UBXN4: variants seen among roughly 807,000 people sequenced by gnomAD.
UBXN4 encodes the protein UBX domain-containing protein 4.
UBXN4 carries 35 observed loss-of-function variants against 66.2 expected under a neutral mutation model. That is an observed-to-expected ratio of 0.53 (90% CI 0.40 to 0.70). The LOEUF is 0.70. Among genes scored for constraint, UBXN4 ranks in the 30% least tolerant of loss-of-function variants. The pLI is 0.00. For synonymous variants in UBXN4, 203 were observed against 204.5 expected (o/e 0.99, Z 0.06); for missense variants, 533 against 599.8 (o/e 0.89, Z 1.16).
intron 6 of UBXN4, among the ~76,000 whole-genome samples, chr2:135,766,794 C>G (rs975001964): frequency 1.3e-5 from 2 of 152,058 alleles, no homozygotes; most frequent in African/African-American, 4.8e-5. Flanking sequence ...TATAAGTTGT[C>G]TATGGGGTGA....
intron 2 of UBXN4, 103 bp from the exon 3 acceptor site, chr2:135,753,436 C>A: frequency 1.0e-6 from 1 of 955,288 alleles, no homozygotes; most frequent in Non-Finnish European, 1.5e-6. Context: ...CTGGTAGTTG[C>A]AGGAAAATAC....
chr2:135,781,338 G>A (rs1432205126), intron 12 of UBXN4, among the ~76,000 whole-genome samples: 1 of 152,200 alleles, frequency 6.6e-6, no homozygotes, highest in Admixed American at 6.5e-5. Flanking sequence ...CTTGAAACAG[G>A]TTAATGGGAA....
Position 135,780,208 on chromosome 2 carries a change from T to A in UBXN4, c.1211T>A (p.Val404Glu), listed in dbSNP as rs1226867680. The change falls in exon 12 of 13, where the codon GTA becomes GAA. Residue 404 changes from valine to glutamate, a missense_variant. This residue lies in a region of UBXN4 where 529 missense variants were observed against 580.1 expected (regional missense o/e 0.91). Coordinates refer to ENST00000272638, the MANE Select transcript of UBXN4 (RefSeq NM_014607.4). ...GCAGGAAGACCAACTGCATCCATTG[T>A]ACACTCTTCCAGCGGAGACATTTGG... ...LPAGRPTASI[V>E]HSSSGDIWTL... 1 of 1,614,132 alleles carries A rather than the reference T, an allele frequency of 6.2e-7. No individual in the cohort carries two copies. Among genetic ancestry groups the A allele is most frequent in the African/African-American group, 1.3e-5 (1 of 75,020 alleles).
intron 2 of UBXN4, among the ~76,000 whole-genome samples, chr2:135,748,863 C>T (rs561801236): frequency 1.5e-3 from 230 of 151,300 alleles, no homozygotes; most frequent in Middle Eastern, 0.014. Flanking sequence ...GACCTTGTCT[C>T]TACTAAAAAA....
chr2:135,783,322 TTAA>T lies in UBXN4; in HGVS notation c.*436_*438del, dbSNP rs1321657488. 6.6e-6 allele frequency: 1 copy of T among 152,660 alleles called. No individual in the cohort carries two copies. The highest frequency in any genetic ancestry group is 1.5e-5 in the Non-Finnish European group (1 of 68,338). 9.5% of individuals were successfully genotyped at this position (152,660 alleles called of 1,614,324 possible). A position where few individuals can be genotyped will look rare whatever the true frequency, so the allele number is the denominator to read the frequency against. ...TAGCCACTCAGATGAGAATTTATGT[TTAA>T]CTTCTCTTTTTACTCATCAGCTGCA... On this transcript the variant is annotated 3_prime_UTR_variant, in exon 13 of 13. Transcript: ENST00000272638.
At chr2:135,759,764 GAA>G (rs2077303954) in intron 5 of UBXN4, among the ~76,000 whole-genome samples, 1 of 88,004 alleles carries the variant, frequency 1.1e-5, no homozygotes, top group Non-Finnish European at 2.6e-5. Context: ...TTTCAATCCA[GAA>G]TTTTTTTTTT....
At chr2:135,757,960 G>T (rs940020729) in intron 5 of UBXN4, among the ~76,000 whole-genome samples, 2 of 151,960 alleles carry the variant, frequency 1.3e-5, no homozygotes, top group Non-Finnish European at 2.9e-5. Flanking sequence ...ACCCAGGCTG[G>T]AGTGCAGTGG....
intron 3 of UBXN4, chr2:135,753,934 AGAG>A: frequency 2.1e-6 from 1 of 476,298 alleles, no homozygotes; most frequent in Non-Finnish European, 3.6e-6. Flanking sequence ...AAGTTATGAT[AGAG>A]GAGAATGTAG....
intron 6 of UBXN4, among the ~76,000 whole-genome samples, chr2:135,763,809 G>C (rs1366710229): frequency 6.6e-6 from 1 of 151,592 alleles, no homozygotes. Context: ...CTGAGTGACA[G>C]AGCAAGACTC....
intron 5 of UBXN4, 136 bp downstream of exon 5, chr2:135,755,827 T>A: frequency 2.0e-6 from 1 of 507,262 alleles, no homozygotes; most frequent in Non-Finnish European, 2.7e-6. Flanking sequence ...AGAGTCATAT[T>A]AAATACACAT....
In UBXN4 at chr2:135,761,918, T is replaced by C. The variant is rs1444454528; in HGVS notation, c.602+7T>C. 3.7e-6 allele frequency: 6 copies of C among 1,605,142 alleles called. No individual in the cohort carries two copies. Among genetic ancestry groups the C allele is most frequent in the African/African-American group, 2.7e-5 (2 of 74,318 alleles). ...TCAACATCCGAGTGGAAAGGTTTGC[T>C]CTTCTTTTTGCAAATAGCATTTTGT... On this transcript the variant is annotated splice_region_variant and intron_variant, in intron 6 of 12. Transcript: ENST00000272638.
intron 2 of UBXN4, among the ~76,000 whole-genome samples, chr2:135,753,262 G>A (rs1241414616): frequency 6.6e-6 from 1 of 152,138 alleles, no homozygotes; most frequent in South Asian, 2.1e-4. Context: ...GATCTCAAGT[G>A]ATCTGCCTGC....
intron 4 of UBXN4, among the ~76,000 whole-genome samples, chr2:135,755,231 G>C (rs574431425): frequency 6.6e-6 from 1 of 152,212 alleles, no homozygotes; most frequent in South Asian, 2.1e-4. Context: ...TGTCTACTTT[G>C]GACAAATGGC....
intron 6 of UBXN4, among the ~76,000 whole-genome samples, chr2:135,762,986 G>A (rs1334932774): frequency 6.6e-6 from 1 of 152,142 alleles, no homozygotes. Context: ...GCGCTATTTA[G>A]TTATACTGGA....
At chr2:135,755,483 C>G (rs769380274) in intron 4 of UBXN4, 34 bp from the exon 5 acceptor site, 1 of 1,475,778 alleles carries the variant, frequency 6.8e-7, no homozygotes, top group Admixed American at 2.1e-5. Context: ...AGATTCTTAT[C>G]TATTAATTAA....
chr2:135,770,954 G>T (rs1369743260), intron 8 of UBXN4, among the ~76,000 whole-genome samples: 6 of 151,806 alleles, frequency 4.0e-5, no homozygotes, highest in Admixed American at 1.3e-4. Context: ...GTTAATTTAT[G>T]ACTTTTATCA....
intron 6 of UBXN4, among the ~76,000 whole-genome samples, chr2:135,769,214 C>T (rs1297760470): frequency 3.9e-5 from 6 of 152,086 alleles, no homozygotes; most frequent in Admixed American, 3.9e-4. Context: ...GTTGCTCAAG[C>T]TGGTCTTTAG....
At position 135,762,731 on chromosome 2, in the gene UBXN4, G is replaced by A. The variant is rs563299348; in HGVS notation, c.602+820G>A. 2.0e-5 allele frequency among the ~76,000 whole-genome samples: 3 copies of A among 152,214 alleles called. No individual in the cohort carries two copies. In the South Asian group the frequency reaches 6.2e-4, roughly 32 times the overall value. ...GCCCAGACCTTGAGGTGAAAAGCAG[G>A]CTGGACCTCACAGTGGTGAGGAAAG... On this transcript the variant is annotated intron_variant, in intron 6 of 12. Coordinates refer to ENST00000272638, the MANE Select transcript of UBXN4 (RefSeq NM_014607.4).
chr2:135,765,059 C>T (rs1400759913), intron 6 of UBXN4, among the ~76,000 whole-genome samples: 1 of 152,168 alleles, frequency 6.6e-6, no homozygotes, highest in Non-Finnish European at 1.5e-5. Context: ...AATAATCCAC[C>T]CGCCTTGGCT....
Sources: allele counts gnomAD v4.1 joint callset (sites outside exome capture counted in the v4.1 genomes callset), GRCh38; gene constraint gnomAD v4.1.1; regional missense constraint gnomAD v4.1.1; transcripts MANE v1.5; gene names NCBI Gene and HGNC (gene_info 2026-07-23, HGNC 2026-07-21).